Variants in TEX46 observed in about 807,000 individuals in gnomAD.
TEX46 encodes the protein testis-expressed protein 46.
A neutral mutation model predicts 5.3 loss-of-function variants in TEX46; 6 were observed. The observed-to-expected ratio is 1.13, with a 90% CI of 0.62 to 2.23. The LOEUF is 2.23. Ranked by LOEUF, TEX46 falls within the 30% of genes most tolerant of loss-of-function variation. The probability of loss-of-function intolerance (pLI) is 0.00; values close to 1 mark genes in which losing one functional copy is unlikely to be tolerated. For synonymous variants in TEX46, 41 were observed against 54.6 expected, an observed-to-expected ratio of 0.75 and a Z score of 1.10; for missense variants, 131 against 150.9, an observed-to-expected ratio of 0.87 and a Z score of 0.69.
chr1:23,013,939 G>A lies in TEX46; in HGVS notation c.109C>T (p.Leu37Phe). ...LFGFLFLLLL[L>F]SNWLVKYEHK... is the part of the protein sequence containing the mutation. ...TCATACTTGACCAACCAGTTGCTAA[G>A]CAACAGCAGAAGGAATAGGAACCCA... The change falls in exon 2 of 3, where the codon CTT becomes TTT. Residue 37 changes from leucine to phenylalanine, a missense_variant. By Grantham distance (22) the Leu-to-Phe change is conservative. Transcript: ENST00000566855. 1 of 1,536,122 alleles carries A rather than the reference G, an allele frequency of 6.5e-7. No homozygotes were observed. Among genetic ancestry groups the A allele is most frequent in the Non-Finnish European group, 8.7e-7 (1 of 1,146,896 alleles).
intron 2 of TEX46, among the ~76,000 whole-genome samples, chr1:23,011,420 T>C (rs1264424741): frequency 6.6e-6 from 1 of 151,106 alleles, no homozygotes; most frequent in Non-Finnish European, 1.5e-5. Context: ...GAGACTGAGT[T>C]TCACTCTTGT....
chr1:23,013,850 C>G (rs1641384297), intron 2 of TEX46, 33 bp downstream of exon 2: 1 of 1,531,578 alleles, frequency 6.5e-7, no homozygotes, highest in Non-Finnish European at 8.7e-7. Flanking sequence ...TCCCCTATCC[C>G]TGAGCTGAAG....
At chr1:23,013,550 T>C (rs1641379781) in intron 2 of TEX46, among the ~76,000 whole-genome samples, 1 of 152,246 alleles carries the variant, frequency 6.6e-6, no homozygotes, top group African/African-American at 2.4e-5. Context: ...CTATTTTAGA[T>C]ACGTATCTAT....
At chr1:23,014,104 C>A in intron 1 of TEX46, 59 bp from the exon 2 acceptor site, 1 of 1,500,266 alleles carries the variant, frequency 6.7e-7, no homozygotes, top group Non-Finnish European at 8.9e-7. Context: ...GGCCCCAGGA[C>A]CCTGCCTCAG....
chr1:23,015,771 C>T lies in TEX46; in HGVS notation c.2+1G>A, dbSNP rs560340763. 22 of 698,306 alleles carry T rather than the reference C, an allele frequency of 3.2e-5. No individual in the cohort carries two copies. The highest frequency in any genetic ancestry group is 5.5e-5 in the Non-Finnish European group (21 of 382,700). 43.3% of individuals were successfully genotyped at this position (698,306 alleles called of 1,614,324 possible). On this transcript the variant is annotated splice_donor_variant, in intron 1 of 2. Coordinates refer to ENST00000566855, the MANE Select transcript of TEX46 (RefSeq NM_001242521.2). LOFTEE classifies it high-confidence loss of function. The stretch of plus-strand genomic sequence containing the variant: ...AACAAATACCGTATGATTCCACTTA[C>T]ATGAGCTATCTACAATAGTCAAATT...
At chr1:23,014,256 A>G (rs1431495466) in intron 1 of TEX46, 1 of 492,354 alleles carries the variant, frequency 2.0e-6, no homozygotes, top group African/African-American at 2.1e-5. Context: ...TTTGACAGGC[A>G]GTTTGAAAGC....
intron 1 of TEX46, among the ~76,000 whole-genome samples, chr1:23,015,009 A>G (rs1322233316): frequency 6.6e-6 from 1 of 151,620 alleles, no homozygotes; most frequent in Non-Finnish European, 1.5e-5. Flanking sequence ...CACCCACCTA[A>G]TTTTTGTATT....
Position 23,014,024 on chromosome 1 carries a change from G to T in TEX46, c.24C>A (p.Ala8=). The part of the protein sequence containing the change: MSLHGIL[A]SAGTIGAVAA... ...CCACTGCTCCTATGGTGCCTGCGGA[G>T]GCAAGTATCCCATGGAGACTCCTAA... Residue 8 remains alanine (A), a synonymous_variant, in exon 2 of 3, where the codon GCC becomes GCA. Transcript: ENST00000566855. 1 of 1,536,054 alleles carries T rather than the reference G, an allele frequency of 6.5e-7. No individual in the cohort carries two copies. Among genetic ancestry groups the T allele is most frequent in the South Asian group, 1.2e-5 (1 of 84,052 alleles).
At chr1:23,012,358 TAAA>T (rs11330715) in intron 2 of TEX46, among the ~76,000 whole-genome samples, 2 of 141,474 alleles carry the variant, frequency 1.4e-5, no homozygotes. Flanking sequence ...ACTAAATACA[TAAA>T]AAAAAAAAAA....
rs1308219295 is a variant in TEX46, at chr1:23,015,806, A to C, written c.-33T>G. 6 of 699,056 alleles carry C rather than the reference A, an allele frequency of 8.6e-6. No individual in the cohort carries two copies. In the African/African-American group the frequency reaches 1.1e-4, roughly 12 times the overall value. 43.3% of individuals were successfully genotyped at this position (699,056 alleles called of 1,614,324 possible). A position where few individuals can be genotyped will look rare whatever the true frequency, so the allele number is the denominator to read the frequency against. On this transcript the variant is annotated 5_prime_UTR_variant, in exon 1 of 3. Transcript: ENST00000566855. The stretch of plus-strand genomic sequence containing the variant: ...CTACAATAGTCAAATTCATAGAGGC[A>C]AAGAGTAGAATGGTGGCTGCCAGGG...
intron 2 of TEX46, 56 bp from the exon 3 acceptor site, chr1:23,011,157 C>CTGTT: frequency 7.1e-7 from 1 of 1,401,844 alleles, no homozygotes; most frequent in Non-Finnish European, 9.7e-7. Context: ...CACGGCCTTG[C>CTGTT]TGTTCTTGGA....
At chr1:23,011,187 G>C in intron 2 of TEX46, 86 bp from the exon 3 acceptor site, 1 of 1,033,128 alleles carries the variant, frequency 9.7e-7, no homozygotes, top group Non-Finnish European at 1.4e-6. Context: ...AGAAGTCTTT[G>C]GTTTCTCTTC....
intron 2 of TEX46, among the ~76,000 whole-genome samples, chr1:23,011,463 G>A (rs539193512): frequency 5.3e-5 from 8 of 151,340 alleles, no homozygotes; most frequent in Middle Eastern, 3.4e-3. Context: ...TGTGATCTCG[G>A]CTCACTGCAA....
At chr1:23,013,579 T>C (rs1157765133) in intron 2 of TEX46, among the ~76,000 whole-genome samples, 3 of 152,214 alleles carry the variant, frequency 2.0e-5, no homozygotes, top group African/African-American at 4.8e-5. Flanking sequence ...ATGTTAATTT[T>C]TTTTATTTTT....
intron 2 of TEX46, among the ~76,000 whole-genome samples, chr1:23,012,631 AT>A (rs1429051363): frequency 2.0e-5 from 3 of 152,166 alleles, no homozygotes; most frequent in Non-Finnish European, 4.4e-5. Context: ...CCCAGGGGAC[AT>A]TTGGCAATAT....
chr1:23,013,425 G>A (rs975977613), intron 2 of TEX46, among the ~76,000 whole-genome samples: 11 of 152,114 alleles, frequency 7.2e-5, no homozygotes, highest in Admixed American at 6.5e-4. Context: ...CACCTGCCTC[G>A]GCCTCCCAAA....
chr1:23,011,883 A>T (rs1219950104), intron 2 of TEX46, among the ~76,000 whole-genome samples: 3 of 152,182 alleles, frequency 2.0e-5, no homozygotes, highest in African/African-American at 7.2e-5. Context: ...CCGTTTTTCC[A>T]ACATGCCTCT....
intron 2 of TEX46, among the ~76,000 whole-genome samples, chr1:23,013,673 A>ACAGCTGAGGTGAGG (rs1315338392): frequency 6.6e-6 from 1 of 152,120 alleles, no homozygotes; most frequent in East Asian, 1.9e-4. Context: ...TCCTGATTTA[A>ACAGCTGAGGTGAGG]CAGCTGAGGT....
Position 23,010,874 on chromosome 1 carries a change from G to T in TEX46, c.*27C>A. On this transcript the variant is annotated 3_prime_UTR_variant, in exon 3 of 3. Coordinates refer to ENST00000566855, the MANE Select transcript of TEX46 (RefSeq NM_001242521.2). ...TTTTACTGAGGTAAAAGGTAACATCGGCAGAGGCCAGCCCGCCTCGGCCTC... is the reference window on the plus strand; with the variant it reads ...TTTTACTGAGGTAAAAGGTAACATCTGCAGAGGCCAGCCCGCCTCGGCCTC... 1.3e-6 allele frequency: 2 copies of T among 1,502,018 alleles called. No homozygotes were observed. Among genetic ancestry groups the T allele is most frequent in the Non-Finnish European group, 1.8e-6 (2 of 1,119,528 alleles). 93.0% of individuals were successfully genotyped at this position (1,502,018 alleles called of 1,614,324 possible).
Sources: gnomAD v4.1 joint callset for allele counts (sites outside exome capture counted in the v4.1 genomes callset) on GRCh38, gnomAD v4.1.1 for gene constraint, MANE v1.5 for transcripts, NCBI Gene and HGNC (gene_info 2026-07-23, HGNC 2026-07-21) for gene names.